The following CTNNA3 variants were observed in gnomAD, a reference collection of about 807,000 sequenced individuals.
The protein encoded by CTNNA3 is catenin alpha-3.
A neutral mutation model predicts 95.7 loss-of-function variants in CTNNA3; 76 were observed. The observed-to-expected ratio is 0.79, with a 90% CI of 0.66 to 0.96. The LOEUF is 0.96. Ranked by LOEUF, CTNNA3 falls within the 40% of genes least tolerant of loss-of-function variation. The pLI is 0.00. For synonymous variants in CTNNA3, 431 were observed against 374.4 expected, an observed-to-expected ratio of 1.15 and a Z score of -1.74; for missense variants, 1,191 against 1,089.8, an observed-to-expected ratio of 1.09 and a Z score of -1.31.
intron 10 of CTNNA3, among the ~76,000 whole-genome samples, chr10:66,553,150 A>G (rs932013487): frequency 1.1e-4 from 17 of 151,990 alleles, no homozygotes; most frequent in Non-Finnish European, 2.1e-4. Context: ...TAATCCTTTT[A>G]TCTTGAAAAT....
chr10:67,018,532 T>A (rs1852801159), intron 7 of CTNNA3, among the ~76,000 whole-genome samples: 1 of 152,214 alleles, frequency 6.6e-6, no homozygotes, highest in South Asian at 2.1e-4. Context: ...GACCTTTAAA[T>A]AAGGTTTCAA....
intron 13 of CTNNA3, among the ~76,000 whole-genome samples, chr10:66,240,601 A>C (rs1337434138): frequency 6.6e-6 from 1 of 152,072 alleles, no homozygotes; most frequent in Non-Finnish European, 1.5e-5. Flanking sequence ...AAAAATAAAT[A>C]AAGTTTTAAA....
Position 67,726,621 on chromosome 10 carries a change from ATATAT to A in CTNNA3, c.-2+36808_-2+36812del, listed in dbSNP as rs1200734603. On this transcript the variant is annotated intron_variant, in intron 1 of 17. Coordinates refer to the CTNNA3 transcript ENST00000684154. The stretch of plus-strand genomic sequence containing the variant: ...TATTACATATTATATAATATATAAT[ATATAT>A]TATATTATATATAATATATACTATA... 3.9e-3 allele frequency among the ~76,000 whole-genome samples: 246 copies of A among 63,060 alleles called. 4 individuals are homozygous for A. Among genetic ancestry groups the A allele is most frequent in the African/African-American group, 0.016 (231 of 14,430 alleles). The allele number at this position is 63,060 out of a possible 152,430, so 41.4% of individuals were successfully genotyped here. A position where few individuals can be genotyped will look rare whatever the true frequency, so the allele number is the denominator to read the frequency against.
intron 12 of CTNNA3, among the ~76,000 whole-genome samples, chr10:66,366,016 C>T (rs2092708761): frequency 6.6e-6 from 1 of 152,150 alleles, no homozygotes; most frequent in Non-Finnish European, 1.5e-5. Context: ...CTCCCAGGTT[C>T]ATGACCGTCA....
At chr10:66,741,260 G>C (rs1221818798) in intron 9 of CTNNA3, among the ~76,000 whole-genome samples, 2 of 152,156 alleles carry the variant, frequency 1.3e-5, no homozygotes, top group African/African-American at 4.8e-5. Flanking sequence ...CAATGGCTAG[G>C]TGGAAGGGAA....
intron 10 of CTNNA3, among the ~76,000 whole-genome samples, chr10:66,609,803 G>A (rs955722518): frequency 4.6e-5 from 7 of 152,194 alleles, no homozygotes; most frequent in Admixed American, 2.0e-4. Context: ...GTATGTGTAT[G>A]TTCATTGCAG....
At chr10:66,836,841 A>G (rs1842902276) in intron 7 of CTNNA3, among the ~76,000 whole-genome samples, 1 of 152,180 alleles carries the variant, frequency 6.6e-6, no homozygotes, top group South Asian at 2.1e-4. Context: ...GTATTCTGTA[A>G]AAACTTCTGT....
At chr10:65,928,684 T>A (rs1357874060) in intron 17 of CTNNA3, among the ~76,000 whole-genome samples, 1 of 152,174 alleles carries the variant, frequency 6.6e-6, no homozygotes, top group Non-Finnish European at 1.5e-5. Flanking sequence ...CACAAACTGT[T>A]AATATTTTCC....
intron 11 of CTNNA3, among the ~76,000 whole-genome samples, chr10:66,447,721 T>A (rs749417551): frequency 6.6e-6 from 1 of 151,874 alleles, no homozygotes; most frequent in Non-Finnish European, 1.5e-5. Context: ...ACCATAAAAA[T>A]CCTAGAAGAA....
At chr10:66,032,459 AAAT>A (rs1564591252) in intron 15 of CTNNA3, among the ~76,000 whole-genome samples, 2 of 152,232 alleles carry the variant, frequency 1.3e-5, no homozygotes, top group Admixed American at 6.5e-5. Flanking sequence ...TGACAGATTT[AAAT>A]AATACTGCAG....
At chr10:67,252,312 G>A (rs1866144544) in intron 5 of CTNNA3, among the ~76,000 whole-genome samples, 1 of 151,960 alleles carries the variant, frequency 6.6e-6, no homozygotes, top group African/African-American at 2.4e-5. Flanking sequence ...GTTGAAGGAG[G>A]CAGTACAGTC....
At chr10:66,045,661 G>T (rs1273895472) in intron 15 of CTNNA3, among the ~76,000 whole-genome samples, 1 of 152,114 alleles carries the variant, frequency 6.6e-6, no homozygotes, top group Non-Finnish European at 1.5e-5. Flanking sequence ...CCACCCTAGA[G>T]CAGATAAGAA....
intron 13 of CTNNA3, among the ~76,000 whole-genome samples, chr10:66,137,887 T>C (rs2083433617): frequency 6.6e-6 from 1 of 151,878 alleles, no homozygotes. Context: ...GAGGTGGAGG[T>C]TGCAGTGAGC....
At position 67,372,763 on chromosome 10, in the gene CTNNA3, C is replaced by T. The variant is rs554328275; in HGVS notation, c.579+149079G>A. ...TACCCACAAAGGGAAGCCCATCAGA[C>T]TAACAGCAGATCTCTCGGCAGAAAC... On this transcript the variant is annotated intron_variant, in intron 5 of 17. Coordinates refer to ENST00000433211, the MANE Select transcript of CTNNA3 (RefSeq NM_013266.4). Among the ~76,000 whole-genome samples the T allele has an allele frequency of 9.2e-4, 140 of 152,310 alleles. 1 individual carries two copies. Among genetic ancestry groups the T allele is most frequent in the African/African-American group, 3.1e-3 (129 of 41,566 alleles).
At chr10:66,066,135 T>C (rs1023000520) in intron 15 of CTNNA3, among the ~76,000 whole-genome samples, 1 of 152,142 alleles carries the variant, frequency 6.6e-6, no homozygotes, top group Non-Finnish European at 1.5e-5. Context: ...AGTGCTGGGA[T>C]TACAGGCGTG....
intron 9 of CTNNA3, among the ~76,000 whole-genome samples, chr10:66,687,165 C>A (rs1847327747): frequency 6.6e-6 from 1 of 151,862 alleles, no homozygotes; most frequent in African/African-American, 2.4e-5. Context: ...AAAAAGGGTA[C>A]ATTCATTTCC....
intron 16 of CTNNA3, among the ~76,000 whole-genome samples, chr10:65,972,764 T>C (rs559474575): frequency 2.0e-5 from 3 of 152,204 alleles, no homozygotes; most frequent in South Asian, 4.1e-4. Flanking sequence ...AAAATGGCCA[T>C]GCTGCTCAAA....
intron 13 of CTNNA3, among the ~76,000 whole-genome samples, chr10:66,166,793 G>A (rs1418078339): frequency 1.3e-5 from 2 of 152,016 alleles, no homozygotes; most frequent in Non-Finnish European, 2.9e-5. Flanking sequence ...GTGAATGAAG[G>A]TTAGTGTGAT....
At chr10:66,499,927 G>T (rs2456684) in intron 11 of CTNNA3, among the ~76,000 whole-genome samples, 1 of 151,066 alleles carries the variant, frequency 6.6e-6, no homozygotes, top group Non-Finnish European at 1.5e-5. Context: ...CTCAGCCTCC[G>T]GAGTAGCTGG....
Sources: allele counts gnomAD v4.1 joint callset (sites outside exome capture counted in the v4.1 genomes callset), GRCh38; gene constraint gnomAD v4.1.1; transcripts MANE v1.5; gene names NCBI Gene and HGNC (gene_info 2026-07-23, HGNC 2026-07-21).